Variants in IQGAP2 observed in about 807,000 individuals in gnomAD.
IQGAP2 encodes the protein IQ motif containing GTPase activating protein 2, also known as ras GTPase-activating-like protein IQGAP2.
A neutral mutation model predicts 201.3 loss-of-function variants in IQGAP2; 173 were observed. The ratio of observed to expected loss-of-function variants is 0.86; its 90% CI spans 0.76 to 0.98. The LOEUF (loss-of-function observed/expected upper bound fraction) is 0.98, where lower values mean the gene tolerates loss of function less well. Among genes scored for constraint, IQGAP2 ranks in the 50% least tolerant of loss-of-function variants. The pLI is 0.00. For missense variants in IQGAP2, 1,687 were observed against 1,864.8 expected (o/e 0.90, Z 1.76); for synonymous variants, 675 against 673.9 (o/e 1.00, Z -0.03).
At chr5:76,424,285 T>C (rs1273879663) in intron 1 of IQGAP2, among the ~76,000 whole-genome samples, 1 of 152,162 alleles carries the variant, frequency 6.6e-6, no homozygotes, top group Admixed American at 6.5e-5. Flanking sequence ...AACCTTTTTT[T>C]CCCTAACAGA....
At chr5:76,619,285 A>G (rs1749352194) in intron 13 of IQGAP2, among the ~76,000 whole-genome samples, 1 of 152,170 alleles carries the variant, frequency 6.6e-6, no homozygotes, top group Non-Finnish European at 1.5e-5. Context: ...AAATTGAAAG[A>G]GTGGGTGACA....
chr5:76,496,761 C>CTTTCT (rs1561416549), intron 2 of IQGAP2, among the ~76,000 whole-genome samples: 5,203 of 88,870 alleles, frequency 0.059, 284 homozygotes, highest in Non-Finnish European at 0.074. Flanking sequence ...TTCTTTCTTT[C>CTTTCT]TTTCTTTCTT....
rs779201279 is a variant in IQGAP2, at chr5:76,683,165, G to C, written c.3711G>C (p.Leu1237=). 1.7e-5 allele frequency: 27 copies of C among 1,612,616 alleles called. No homozygotes were observed. Among genetic ancestry groups the C allele is most frequent in the Non-Finnish European group, 2.2e-5 (26 of 1,179,378 alleles). The change falls in exon 29 of 36, where the codon CTG becomes CTC. Residue 1237 remains leucine, a synonymous_variant. Coordinates refer to ENST00000274364, the MANE Select transcript of IQGAP2 (RefSeq NM_006633.5). The part of the protein sequence containing the change: ...DAIAPEKNDL[L]SELLGSLGEV... ...TTGCCCCTGAGAAAAATGACTTACT[G>C]AGTGAATTGCTGGGGTCGCTGGGAG...
chr5:76,513,017 T>C (rs550489073), intron 2 of IQGAP2, among the ~76,000 whole-genome samples: 2 of 150,940 alleles, frequency 1.3e-5, no homozygotes, highest in East Asian at 2.0e-4. Context: ...ATTGTGCCAC[T>C]GCACTCCAGC....
chr5:76,440,732 A>G (rs1752975760), intron 1 of IQGAP2, among the ~76,000 whole-genome samples: 1 of 152,158 alleles, frequency 6.6e-6, no homozygotes, highest in Non-Finnish European at 1.5e-5. Flanking sequence ...AGCATAGCCT[A>G]GTAAGTAGTT....
At chr5:76,474,815 C>T (rs952466077) in intron 2 of IQGAP2, among the ~76,000 whole-genome samples, 5 of 152,174 alleles carry the variant, frequency 3.3e-5, no homozygotes, top group African/African-American at 9.7e-5. Context: ...CAGGTTCAAG[C>T]GATTCTCCTG....
At chr5:76,574,126 T>C (rs1745309411) in intron 4 of IQGAP2, among the ~76,000 whole-genome samples, 1 of 152,234 alleles carries the variant, frequency 6.6e-6, no homozygotes, top group South Asian at 2.1e-4. Flanking sequence ...TACTACCATA[T>C]GATGCATTAT....
chr5:76,633,088 TTTCAAA>T (rs1434971733), intron 15 of IQGAP2, among the ~76,000 whole-genome samples: 4 of 152,212 alleles, frequency 2.6e-5, no homozygotes, highest in African/African-American at 7.2e-5. Context: ...GCTATCCTAA[TTTCAAA>T]TTCATCCTGG....
intron 2 of IQGAP2, among the ~76,000 whole-genome samples, chr5:76,532,868 A>C (rs927279212): frequency 2.0e-5 from 3 of 152,228 alleles, no homozygotes; most frequent in African/African-American, 7.2e-5. Context: ...CCACCAGGGC[A>C]GCTAGCCACA....
chr5:76,539,457 G>T (rs1242166039), intron 2 of IQGAP2, among the ~76,000 whole-genome samples: 1 of 152,176 alleles, frequency 6.6e-6, no homozygotes, highest in Non-Finnish European at 1.5e-5. Context: ...TGCCAGCCTG[G>T]AAGGGAGCGG....
intron 10 of IQGAP2, among the ~76,000 whole-genome samples, chr5:76,599,965 A>G (rs1747316925): frequency 6.6e-6 from 1 of 152,174 alleles, no homozygotes; most frequent in Admixed American, 6.5e-5. Flanking sequence ...TGGATAAGCT[A>G]AATCCAGATT....
At chr5:76,621,999 C>T (rs1463586283) in intron 13 of IQGAP2, among the ~76,000 whole-genome samples, 1 of 152,026 alleles carries the variant, frequency 6.6e-6, no homozygotes, top group East Asian at 1.9e-4. Flanking sequence ...TTCCATTTAC[C>T]TCTAGAGACA....
At chr5:76,690,995 C>T (rs138375101) in intron 30 of IQGAP2, among the ~76,000 whole-genome samples, 70 of 152,232 alleles carry the variant, frequency 4.6e-4, no homozygotes, top group Non-Finnish European at 7.5e-4. Flanking sequence ...GTTTTATAAA[C>T]GAAAAAACAA....
At chr5:76,589,506 C>A in intron 6 of IQGAP2, 109 bp from the exon 7 acceptor site, 3 of 593,762 alleles carry the variant, frequency 5.1e-6, no homozygotes, top group Non-Finnish European at 8.6e-6. Context: ...TTACAAACAA[C>A]CCCACTTCCT....
chr5:76,620,020 G>A (rs183727396), intron 13 of IQGAP2, among the ~76,000 whole-genome samples: 8 of 152,192 alleles, frequency 5.3e-5, no homozygotes, highest in Admixed American at 1.3e-4. Context: ...CAAGATAGCC[G>A]ATTCTCTCCT....
chr5:76,520,023 G>A (rs543936608), intron 2 of IQGAP2, among the ~76,000 whole-genome samples: 2 of 151,176 alleles, frequency 1.3e-5, no homozygotes, highest in Non-Finnish European at 2.9e-5. Context: ...AAGAGCAAAA[G>A]TCTTTAATTT....
chr5:76,510,745 G>T, intron 2 of IQGAP2: 1 of 504,076 alleles, frequency 2.0e-6, no homozygotes, highest in Non-Finnish European at 4.0e-6. Context: ...TGTACCTGGG[G>T]GCACCCACAC....
chr5:76,409,241 C>CTTTTTTTTT (rs35574851), intron 1 of IQGAP2, among the ~76,000 whole-genome samples: 2 of 79,368 alleles, frequency 2.5e-5, no homozygotes, highest in African/African-American at 5.2e-5. Flanking sequence ...AATACATGGG[C>CTTTTTTTTT]TTTTTTTTTT....
At chr5:76,481,596 C>T (rs1755796928) in intron 2 of IQGAP2, among the ~76,000 whole-genome samples, 1 of 152,108 alleles carries the variant, frequency 6.6e-6, no homozygotes, top group Non-Finnish European at 1.5e-5. Flanking sequence ...TTTGGCCAGG[C>T]TTGTCTTGAA....
Sources: allele counts gnomAD v4.1 joint callset (sites outside exome capture counted in the v4.1 genomes callset), GRCh38; gene constraint gnomAD v4.1.1; transcripts MANE v1.5; gene names NCBI Gene and HGNC (gene_info 2026-07-23, HGNC 2026-07-21).